HS6ST3: variants seen among roughly 807,000 people sequenced by gnomAD.
The protein encoded by HS6ST3 is heparan-sulfate 6-O-sulfotransferase 3.
In HS6ST3, 12 loss-of-function variants were observed where a neutral mutation model predicts 36.7. That is an observed-to-expected ratio of 0.33 (90% CI 0.21 to 0.53). The LOEUF (loss-of-function observed/expected upper bound fraction) is 0.53, where lower values mean the gene tolerates loss of function less well. Ranked by LOEUF, HS6ST3 falls within the 20% of genes least tolerant of loss-of-function variation. The pLI, the probability that HS6ST3 is intolerant of heterozygous loss-of-function variation, is 0.95. For missense variants in HS6ST3, 584 were observed against 640.9 expected (o/e 0.91, Z 0.96); for synonymous variants, 240 against 257.5 (o/e 0.93, Z 0.65).
intron 1 of HS6ST3, among the ~76,000 whole-genome samples, chr13:96,136,500 C>T (rs963407744): frequency 4.6e-5 from 7 of 151,906 alleles, no homozygotes; most frequent in Admixed American, 4.6e-4. Context: ...GAGTCTATCA[C>T]TATACAGTAC....
intron 1 of HS6ST3, among the ~76,000 whole-genome samples, chr13:96,608,941 T>C (rs1024272351): frequency 2.6e-5 from 4 of 151,870 alleles, no homozygotes; most frequent in Admixed American, 6.6e-5. Flanking sequence ...GATAGATAGA[T>C]AGATAGATAT....
chr13:96,457,108 C>A (rs1000376968), intron 1 of HS6ST3, among the ~76,000 whole-genome samples: 18 of 152,052 alleles, frequency 1.2e-4, no homozygotes, highest in Non-Finnish European at 2.6e-4. Context: ...TTACAATTGG[C>A]TGAATGACCC....
chr13:96,722,988 C>CGTGTGTGTGTGTGTGT (rs34651683), intron 1 of HS6ST3, among the ~76,000 whole-genome samples: 4 of 143,672 alleles, frequency 2.8e-5, no homozygotes, highest in East Asian at 4.2e-4. Flanking sequence ...AAAAAATATA[C>CGTGTGTGTGTGTGTGT]GTGTGTGTGT....
intron 1 of HS6ST3, among the ~76,000 whole-genome samples, chr13:96,407,359 A>G (rs2055483888): frequency 6.6e-6 from 1 of 152,236 alleles, no homozygotes; most frequent in Non-Finnish European, 1.5e-5. Flanking sequence ...GACTGGGGTC[A>G]TATCTGTGCT....
At chr13:96,542,384 GC>G (rs1438827935) in intron 1 of HS6ST3, among the ~76,000 whole-genome samples, 3 of 152,098 alleles carry the variant, frequency 2.0e-5, no homozygotes, top group Non-Finnish European at 2.9e-5. Flanking sequence ...ATATCTATAT[GC>G]AAAATATTAG....
intron 1 of HS6ST3, among the ~76,000 whole-genome samples, chr13:96,816,293 G>T (rs2138538668): frequency 6.6e-6 from 1 of 152,264 alleles, no homozygotes; most frequent in East Asian, 1.9e-4. Flanking sequence ...AAATTAAGAG[G>T]GGCTACTGCT....
chr13:96,103,958 T>G (rs816117), intron 1 of HS6ST3, among the ~76,000 whole-genome samples: 14 of 47,608 alleles, frequency 2.9e-4, no homozygotes, highest in East Asian at 7.8e-4. Flanking sequence ...GAGGTGTTTT[T>G]TTTTTTTTTT....
chr13:96,370,080 A>T (rs1339111848), intron 1 of HS6ST3, among the ~76,000 whole-genome samples: 1 of 152,112 alleles, frequency 6.6e-6, no homozygotes, highest in Non-Finnish European at 1.5e-5. Context: ...GCATATTAGG[A>T]CCATCTGGCA....
In HS6ST3 at chr13:96,368,058, A is replaced by C. The variant is rs114059570; in HGVS notation, c.707+276489A>C. 9.4e-3 allele frequency among the ~76,000 whole-genome samples: 1,425 copies of C among 152,230 alleles called. 27 individuals carry two copies. The highest frequency in any genetic ancestry group is 0.033 in the African/African-American group (1,368 of 41,552). On this transcript the variant is annotated intron_variant, in intron 1 of 1. Coordinates refer to ENST00000376705, the MANE Select transcript of HS6ST3 (RefSeq NM_153456.4). ...CCAGACTCCCCACGTGTTTTTGCTCAAGGTTCCTTATGGTTGCTTTGCCTC... is the reference window on the plus strand; with the variant it reads ...CCAGACTCCCCACGTGTTTTTGCTCCAGGTTCCTTATGGTTGCTTTGCCTC...
At chr13:96,607,521 T>G (rs74107944) in intron 1 of HS6ST3, among the ~76,000 whole-genome samples, 2,671 of 152,242 alleles carry the variant, frequency 0.018, 76 homozygotes, top group African/African-American at 0.059. Context: ...AATAAATAGT[T>G]ACTTGTAGAG....
At chr13:96,193,984 T>C (rs2054300501) in intron 1 of HS6ST3, among the ~76,000 whole-genome samples, 1 of 152,150 alleles carries the variant, frequency 6.6e-6, no homozygotes, top group Non-Finnish European at 1.5e-5. Context: ...TGCTTTTCAG[T>C]AATAATAACA....
chr13:96,469,124 A>G (rs1031145494), intron 1 of HS6ST3, among the ~76,000 whole-genome samples: 1 of 149,208 alleles, frequency 6.7e-6, no homozygotes, highest in Non-Finnish European at 1.5e-5. Flanking sequence ...ACTAAAGAAT[A>G]ACTGTTTTTC....
intron 1 of HS6ST3, among the ~76,000 whole-genome samples, chr13:96,795,104 A>G (rs1385282378): frequency 6.6e-6 from 1 of 152,012 alleles, no homozygotes; most frequent in Non-Finnish European, 1.5e-5. Context: ...TAAAAAATTT[A>G]CTTATGTCAA....
chr13:96,383,938 CA>C (rs2139447737), intron 1 of HS6ST3, among the ~76,000 whole-genome samples: 1 of 152,274 alleles, frequency 6.6e-6, no homozygotes, highest in South Asian at 2.1e-4. Flanking sequence ...TTCCATCCTC[CA>C]GAGAAGCCTG....
intron 1 of HS6ST3, among the ~76,000 whole-genome samples, chr13:96,671,387 T>G (rs143722461): frequency 0.011 from 1,745 of 152,266 alleles, 28 homozygotes; most frequent in African/African-American, 0.04. Context: ...ACTGAAGTTA[T>G]GCCCAACTAA....
chr13:96,396,071 T>C (rs893577700), intron 1 of HS6ST3, among the ~76,000 whole-genome samples: 2 of 152,112 alleles, frequency 1.3e-5, no homozygotes, highest in African/African-American at 4.8e-5. Flanking sequence ...CCTGGCACTT[T>C]GGGAGGCAGA....
At chr13:96,606,797 A>G (rs1468111215) in intron 1 of HS6ST3, among the ~76,000 whole-genome samples, 1 of 152,184 alleles carries the variant, frequency 6.6e-6, no homozygotes, top group Non-Finnish European at 1.5e-5. Context: ...AAAAGAAAGA[A>G]CAGAAATAAA....
intron 1 of HS6ST3, among the ~76,000 whole-genome samples, chr13:96,733,829 T>C (rs1400534014): frequency 2.6e-5 from 4 of 152,142 alleles, no homozygotes; most frequent in Non-Finnish European, 5.9e-5. Context: ...AGACCTTTGA[T>C]TGGCTTCCTG....
chr13:96,480,441 C>T (rs1175053998), intron 1 of HS6ST3, among the ~76,000 whole-genome samples: 1 of 151,986 alleles, frequency 6.6e-6, no homozygotes, highest in African/African-American at 2.4e-5. Flanking sequence ...AGAATGTGTA[C>T]ATGTGTTTAA....
Sources: allele counts gnomAD v4.1 joint callset (sites outside exome capture counted in the v4.1 genomes callset), GRCh38; gene constraint gnomAD v4.1.1; transcripts MANE v1.5; gene names NCBI Gene and HGNC (gene_info 2026-07-23, HGNC 2026-07-21).